The following TYW1 variants were observed in gnomAD, a reference collection of about 807,000 sequenced individuals.
TYW1 encodes the protein tRNA-yW synthesizing protein 1 homolog.
In TYW1, 46 loss-of-function variants were observed where a neutral mutation model predicts 96.2. The ratio of observed to expected loss-of-function variants is 0.48; its 90% confidence interval spans 0.38 to 0.61. The LOEUF is 0.61. Among genes scored for constraint, TYW1 ranks in the 20% least tolerant of loss-of-function variants. The pLI is 0.00. For missense variants in TYW1, 684 were observed against 909.6 expected (o/e 0.75, Z 3.19); for synonymous variants, 274 against 323.0 (o/e 0.85, Z 1.63).
intron 15 of TYW1, among the ~76,000 whole-genome samples, chr7:67,212,372 T>C (rs1222592376): frequency 1.3e-5 from 2 of 152,048 alleles, no homozygotes; most frequent in South Asian, 4.1e-4. Context: ...TGTGTGGATG[T>C]ACCACAGTTG....
intron 15 of TYW1, among the ~76,000 whole-genome samples, chr7:67,197,332 T>C (rs1207787796): frequency 6.6e-6 from 1 of 152,054 alleles, no homozygotes; most frequent in Non-Finnish European, 1.5e-5. Flanking sequence ...CTGTCTTTTT[T>C]TTTTTTTTTT....
intron 4 of TYW1, among the ~76,000 whole-genome samples, chr7:67,012,326 T>C (rs1372218954): frequency 2.0e-5 from 3 of 151,912 alleles, no homozygotes; most frequent in Non-Finnish European, 4.4e-5. Context: ...CCAGCCTGGG[T>C]GACAGAGCGA....
intron 13 of TYW1, among the ~76,000 whole-genome samples, chr7:67,134,787 T>G (rs934844243): frequency 6.6e-6 from 1 of 150,972 alleles, no homozygotes; most frequent in Non-Finnish European, 1.5e-5. Flanking sequence ...GTGTTTTTTT[T>G]TTTTTTAATA....
At chr7:67,114,811 C>A (rs1797540128) in intron 12 of TYW1, among the ~76,000 whole-genome samples, 1 of 151,590 alleles carries the variant, frequency 6.6e-6, no homozygotes, top group South Asian at 2.1e-4. Context: ...CAGAAAATAT[C>A]TCCAAAAGTC....
At chr7:67,238,074 C>A (rs1392351245) in intron 15 of TYW1, among the ~76,000 whole-genome samples, 2 of 151,500 alleles carry the variant, frequency 1.3e-5, no homozygotes, top group Non-Finnish European at 2.9e-5. Flanking sequence ...TCTTCCGGGC[C>A]CAGCAAAACT....
At chr7:67,232,032 C>G (rs1801766631) in intron 15 of TYW1, among the ~76,000 whole-genome samples, 1 of 152,032 alleles carries the variant, frequency 6.6e-6, no homozygotes, top group Non-Finnish European at 1.5e-5. Flanking sequence ...GAGTTCAAGA[C>G]CAGCCTGGCT....
chr7:67,041,212 T>G (rs1795008472), intron 7 of TYW1, among the ~76,000 whole-genome samples: 1 of 152,192 alleles, frequency 6.6e-6, no homozygotes, highest in Non-Finnish European at 1.5e-5. Context: ...TAGATCTTGT[T>G]TTCGATTTCT....
At position 66,998,188 on chromosome 7, in the gene TYW1, A is replaced by T; in HGVS notation, c.128A>T (p.Lys43Met). 6.2e-7 allele frequency: 1 copy of T among 1,603,760 alleles called. No individual in the cohort carries two copies. The highest frequency in any genetic ancestry group is 8.5e-7 in the Non-Finnish European group (1 of 1,177,502). ...TGGATTTGTGTCCAGATTGTCATCA[A>T]GACGCAGGTAAGTGGAGTTATTTTT... ...SLWICVQIVI[K>M]TQGKNLQEKS... The change falls in exon 2 of 16, where the codon AAG (lysine) becomes ATG (methionine). Residue 43 changes from lysine (K) to methionine (M), a missense_variant. Transcript: ENST00000359626.
intron 15 of TYW1, among the ~76,000 whole-genome samples, chr7:67,215,000 A>G: frequency 6.7e-6 from 1 of 149,698 alleles, no homozygotes; most frequent in Non-Finnish European, 1.5e-5. Flanking sequence ...GTATCAGGGT[A>G]ATGCCAGTCT....
chr7:67,060,296 G>A (rs576959534), intron 9 of TYW1, among the ~76,000 whole-genome samples: 1 of 152,248 alleles, frequency 6.6e-6, no homozygotes, highest in South Asian at 2.1e-4. Flanking sequence ...GGCTGGTCTT[G>A]AACTCCTGAC....
chr7:67,078,448 A>G (rs759780988), intron 10 of TYW1, among the ~76,000 whole-genome samples: 37 of 152,212 alleles, frequency 2.4e-4, no homozygotes, highest in Non-Finnish European at 1.0e-4. Flanking sequence ...TTCATTCTGC[A>G]TAGGATTTCT....
intron 15 of TYW1, among the ~76,000 whole-genome samples, chr7:67,199,908 A>C (rs1397242128): frequency 7.1e-6 from 1 of 141,512 alleles, no homozygotes; most frequent in Non-Finnish European, 1.6e-5. Flanking sequence ...TCAAGAAAGA[A>C]AGAGAGAGAG....
intron 9 of TYW1, among the ~76,000 whole-genome samples, chr7:67,061,530 T>A (rs775100974): frequency 6.6e-6 from 1 of 152,180 alleles, no homozygotes; most frequent in Non-Finnish European, 1.5e-5. Context: ...ATCTTAAGGA[T>A]CTTTGGCCTT....
At chr7:67,040,111 C>G (rs1483490865) in intron 7 of TYW1, among the ~76,000 whole-genome samples, 10 of 152,192 alleles carry the variant, frequency 6.6e-5, no homozygotes, top group Middle Eastern at 3.4e-3. Context: ...CATGTGCCAC[C>G]ATGCCTGCCT....
rs747203555 is a variant in TYW1, at chr7:67,083,504, T to C, written c.1349T>C (p.Ile450Thr). 33 of 1,613,988 alleles carry C rather than the reference T, an allele frequency of 2.0e-5. No homozygotes were observed. The highest frequency in any genetic ancestry group is 5.3e-5 in the African/African-American group (4 of 74,902). ...CCTGAAATGATCTTGAAGGAAGCCA[T>C]TGAAAACCATCAGAACATGATTAAG... Reference protein sequence around the residue: ...DQPEMILKEAIENHQNMIKQF... With the variant: ...DQPEMILKEATENHQNMIKQF... Residue 450 changes from isoleucine (I) to threonine (T), a missense_variant, in exon 11 of 16, where the codon ATT (isoleucine) becomes ACT (threonine). By Grantham distance (89) the Ile-to-Thr change is moderately conservative (BLOSUM62 -1). Coordinates refer to ENST00000359626, the MANE Select transcript of TYW1 (RefSeq NM_018264.4).
chr7:67,222,224 A>G (rs1225486680), intron 15 of TYW1, among the ~76,000 whole-genome samples: 1 of 152,154 alleles, frequency 6.6e-6, no homozygotes, highest in Admixed American at 6.5e-5. Context: ...AGAAAAAAAT[A>G]TAGAGTTACA....
chr7:67,000,510 A>G (rs2129236156), intron 3 of TYW1, among the ~76,000 whole-genome samples: 1 of 151,630 alleles, frequency 6.6e-6, no homozygotes, highest in Non-Finnish European at 1.5e-5. Flanking sequence ...TATTGGTCAC[A>G]CTGCTCTCAA....
rs184459972 is a variant in TYW1, at chr7:67,063,885, G to C, written c.1156-3400G>C. ...CCAAAGTGCTGGATTACAGGCGTGA[G>C]CCACTGTGCCTGGCCGTATTCTGTA... On this transcript the variant is annotated intron_variant, in intron 9 of 15. Transcript: ENST00000359626. 1.1e-3 allele frequency among the ~76,000 whole-genome samples: 169 copies of C among 152,246 alleles called. 1 individual carries two copies. Among genetic ancestry groups the C allele is most frequent in the African/African-American group, 3.9e-3 (163 of 41,546 alleles).
chr7:67,188,495 T>A (rs1003429423), intron 14 of TYW1, among the ~76,000 whole-genome samples: 1 of 152,114 alleles, frequency 6.6e-6, no homozygotes, highest in Non-Finnish European at 1.5e-5. Context: ...CTGTCAGGGC[T>A]GTAAGGGAGA....
Sources: allele counts gnomAD v4.1 joint callset (sites outside exome capture counted in the v4.1 genomes callset), GRCh38; gene constraint gnomAD v4.1.1; transcripts MANE v1.5; gene names NCBI Gene and HGNC (gene_info 2026-07-23, HGNC 2026-07-21).